Variants in NECTIN1 observed in about 807,000 individuals in gnomAD.
NECTIN1 encodes nectin cell adhesion molecule 1.
Under a neutral mutation model 48.0 loss-of-function variants are expected in NECTIN1, and 23 were observed. The ratio of observed to expected loss-of-function variants is 0.48; its 90% CI spans 0.34 to 0.68. The LOEUF (loss-of-function observed/expected upper bound fraction) is 0.68. Among genes scored for constraint, NECTIN1 ranks in the 30% least tolerant of loss-of-function variants. The probability of loss-of-function intolerance (pLI) is 0.01; values close to 1 mark genes in which losing one functional copy is unlikely to be tolerated. For synonymous variants in NECTIN1, 270 were observed against 288.9 expected (o/e 0.93, Z 0.66); for missense variants, 591 against 709.9 (o/e 0.83, Z 1.90).
At chr11:119,669,362 G>A (rs1864828936) in intron 5 of NECTIN1, among the ~76,000 whole-genome samples, 1 of 146,702 alleles carries the variant, frequency 6.8e-6, no homozygotes, top group Non-Finnish European at 1.5e-5. Flanking sequence ...AGTGAGCCAA[G>A]TTTGTGCCAT....
chr11:119,647,490 C>T (rs1864414235), intron 5 of NECTIN1, among the ~76,000 whole-genome samples: 1 of 152,072 alleles, frequency 6.6e-6, no homozygotes. Context: ...CTGTTAGGGA[C>T]CCTGCTGCGC....
At chr11:119,701,355 C>T (rs1865448688) in intron 1 of NECTIN1, among the ~76,000 whole-genome samples, 3 of 152,286 alleles carry the variant, frequency 2.0e-5, no homozygotes, top group Admixed American at 1.3e-4. Context: ...GCCATCCTCC[C>T]ACCAACTCTG....
Position 119,665,138 on chromosome 11 carries a change from T to A in NECTIN1, c.1163A>T (p.Asp388Val). The change falls in exon 6 of 6, where the codon GAC becomes GTC. Residue 388 changes from aspartate (D) to valine (V), a missense_variant. By Grantham distance (152) the Asp-to-Val change is radical. Coordinates refer to ENST00000264025, the MANE Select transcript of NECTIN1 (RefSeq NM_002855.5). This position sits in a 1 kb window ranked among gnomAD's most constrained non-coding sequence, Gnocchi z 5.1. ...ATACACGTGCTTCTTGGTGCTGTAG[T>A]CACCCTTGAAGGTGTGCCGGCGCCG... ...LRRRRHTFKG[D>V]YSTKKHVYGN... is the part of the protein sequence containing the mutation. 6.2e-7 allele frequency: 1 copy of A among 1,613,972 alleles called. No homozygotes were observed. The highest frequency in any genetic ancestry group is 8.5e-7 in the Non-Finnish European group (1 of 1,180,012).
In NECTIN1 at chr11:119,663,030, A is replaced by C; in HGVS notation, c.*1717T>G. 2.2e-6 allele frequency: 1 copy of C among 461,660 alleles called. No homozygotes were observed. The allele number at this position is 461,660 out of a possible 1,614,324, so 28.6% of individuals were successfully genotyped here. A position where few individuals can be genotyped will look rare whatever the true frequency, so the allele number is the denominator to read the frequency against. ...ATAGCAGCACCAGGGAGGGGAGGGGAGGGGTTGGGGGGCTCCCTTAGGAAG... is the reference window on the plus strand; with the variant it reads ...ATAGCAGCACCAGGGAGGGGAGGGGCGGGGTTGGGGGGCTCCCTTAGGAAG... On this transcript the variant is annotated 3_prime_UTR_variant, in exon 6 of 6. Transcript: ENST00000264025.
chr11:119,699,376 C>G (rs992007853), intron 1 of NECTIN1, among the ~76,000 whole-genome samples: 2 of 148,614 alleles, frequency 1.3e-5, no homozygotes, highest in Admixed American at 6.7e-5. Context: ...CCACGGCCCC[C>G]GGCCAGCAGA....
At position 119,684,737 on chromosome 11, in the gene NECTIN1, G is replaced by A. The variant is rs184631096; in HGVS notation, c.80-5972C>T. On this transcript the variant is annotated intron_variant, in intron 1 of 5. Coordinates refer to ENST00000264025, the MANE Select transcript of NECTIN1 (RefSeq NM_002855.5). This position sits in a 1 kb window ranked among gnomAD's most constrained non-coding sequence, Gnocchi z 5.2. The stretch of plus-strand genomic sequence containing the variant: ...TCTGAAGCCAAGGCCAGCTCCGCCT[G>A]GGAGAGAGGCCGGTGTGGAGGAGCG... Among the ~76,000 whole-genome samples the A allele has an allele frequency of 8.6e-4, 131 of 152,344 alleles. No individual in the cohort carries two copies. The highest frequency in any genetic ancestry group is 3.4e-3 in the Middle Eastern group (1 of 294).
At position 119,663,699 on chromosome 11, in the gene NECTIN1, G is replaced by C; in HGVS notation, c.*1048C>G. 1 of 985,530 alleles carries C rather than the reference G, an allele frequency of 1.0e-6. No individual in the cohort carries two copies. The highest frequency in any genetic ancestry group is 1.2e-6 in the Non-Finnish European group (1 of 829,956). 61.0% of individuals were successfully genotyped at this position (985,530 alleles called of 1,614,324 possible). A position where few individuals can be genotyped will look rare whatever the true frequency, so the allele number is the denominator to read the frequency against. Reference sequence around the variant, plus strand: ...AGCCCTGACTAGCCAAAAGAACCAAGTGTTGCTAGATAAGGGAGAAATCAG... The same window carrying C: ...AGCCCTGACTAGCCAAAAGAACCAACTGTTGCTAGATAAGGGAGAAATCAG... On this transcript the variant is annotated 3_prime_UTR_variant, in exon 6 of 6. Transcript: ENST00000264025.
At chr11:119,714,649 C>T (rs1385380539) in intron 1 of NECTIN1, among the ~76,000 whole-genome samples, 1 of 151,998 alleles carries the variant, frequency 6.6e-6, no homozygotes, top group African/African-American at 2.4e-5. Flanking sequence ...CTCCCTCTCC[C>T]TGTCCCCTCT....
intron 1 of NECTIN1, among the ~76,000 whole-genome samples, chr11:119,702,662 CA>C (rs1865477694): frequency 6.6e-6 from 1 of 152,230 alleles, no homozygotes; most frequent in Admixed American, 6.5e-5. Context: ...CTGCCACTTG[CA>C]AGCTCTGTGA....
chr11:119,639,755 C>T, intron 6 of NECTIN1: 4 of 1,468,662 alleles, frequency 2.7e-6, no homozygotes, highest in Non-Finnish European at 3.8e-6. Flanking sequence ...TGGGGAGGCC[C>T]TAGAAAGGCC....
chr11:119,676,869 A>T (rs1217098927), intron 4 of NECTIN1: 1 of 576,364 alleles, frequency 1.7e-6, no homozygotes, highest in Admixed American at 2.9e-5. Flanking sequence ...CACAAAGGAA[A>T]CCCCTCTGGC....
chr11:119,657,739 A>AAATAATAATAATAATAATAAT (rs57059976), downstream of NECTIN1, among the ~76,000 whole-genome samples: 7 of 128,298 alleles, frequency 5.5e-5, no homozygotes, highest in African/African-American at 1.5e-4. Flanking sequence ...TGTCTCTATA[A>AAATAATAATAATAATAATAAT]AATAATAATA....
intron 5 of NECTIN1, among the ~76,000 whole-genome samples, chr11:119,674,192 G>C (rs1020947780): frequency 1.3e-5 from 2 of 152,116 alleles, no homozygotes; most frequent in Admixed American, 1.3e-4. Context: ...GTGTCCCTGA[G>C]CATGTTACTT....
intron 1 of NECTIN1, among the ~76,000 whole-genome samples, chr11:119,685,584 A>G (rs1021051169): frequency 2.0e-5 from 3 of 152,180 alleles, no homozygotes; most frequent in African/African-American, 7.2e-5. Context: ...CAGGTGGCTG[A>G]GGACACCTGG....
At chr11:119,712,328 G>GCCTCC (rs1169524207) in intron 1 of NECTIN1, among the ~76,000 whole-genome samples, 1 of 147,436 alleles carries the variant, frequency 6.8e-6, no homozygotes, top group Non-Finnish European at 1.5e-5. Context: ...TCCCAGAGAA[G>GCCTCC]CCTCCCCTCC....
In NECTIN1 at chr11:119,662,592, G is replaced by C; in HGVS notation, c.*2155C>G. The C allele has an allele frequency of 3.0e-6, 3 of 985,732 alleles. No homozygotes were observed. Among genetic ancestry groups the C allele is most frequent in the Middle Eastern group, 5.2e-4 (1 of 1,914 alleles). 61.1% of individuals were successfully genotyped at this position (985,732 alleles called of 1,614,324 possible). A position where few individuals can be genotyped will look rare whatever the true frequency, so the allele number is the denominator to read the frequency against. ...TAAAGGAGATGCAGGAGGAGACAGGGACAGGAAATGCCTCTATCAGGCAGG... is the reference window on the plus strand; with the variant it reads ...TAAAGGAGATGCAGGAGGAGACAGGCACAGGAAATGCCTCTATCAGGCAGG... On this transcript the variant is annotated 3_prime_UTR_variant, in exon 6 of 6. Coordinates refer to ENST00000264025, the MANE Select transcript of NECTIN1 (RefSeq NM_002855.5). The surrounding 1 kb of genome is among the most constrained non-coding windows in gnomAD (Gnocchi z 5.3).
intron 1 of NECTIN1, among the ~76,000 whole-genome samples, chr11:119,680,120 G>A (rs1295850051): frequency 6.6e-6 from 1 of 152,220 alleles, no homozygotes; most frequent in Admixed American, 6.5e-5. Context: ...TTTGCAAGAA[G>A]GAGGGAGTGA....
chr11:119,639,741 A>G lies in NECTIN1; in HGVS notation c.1151+124T>C, dbSNP rs1475314496. On this transcript the variant is annotated intron_variant, in intron 6 of 7. Transcript: ENST00000341398. ...CCAAAGGGTTAGTTCCTGGTCCCCC[A>G]GGGTGGGGAGGCCCTAGAAAGGCCC... 5 of 1,297,610 alleles carry G rather than the reference A, an allele frequency of 3.9e-6. No individual in the cohort carries two copies. The African/African-American group carries it at 5.8e-5, about 15-fold the overall frequency. 80.4% of individuals were successfully genotyped at this position (1,297,610 alleles called of 1,614,324 possible). A position where few individuals can be genotyped will look rare whatever the true frequency, so the allele number is the denominator to read the frequency against.
At chr11:119,716,245 C>T (rs554802217) in intron 1 of NECTIN1, among the ~76,000 whole-genome samples, 5 of 152,148 alleles carry the variant, frequency 3.3e-5, no homozygotes, top group Non-Finnish European at 4.4e-5. Flanking sequence ...AGAGGGGCTC[C>T]CCACAGCGTT....
Sources: gnomAD v4.1 joint callset for allele counts (sites outside exome capture counted in the v4.1 genomes callset) on GRCh38, gnomAD v4.1.1 for gene constraint, Gnocchi (gnomAD v3.1) non-coding constraint, MANE v1.5 for transcripts, NCBI Gene and HGNC (gene_info 2026-07-23, HGNC 2026-07-21) for gene names.